Variants in SYNPO observed in about 807,000 individuals in gnomAD.
SYNPO encodes the protein synaptopodin.
SYNPO carries 19 observed loss-of-function variants against 49.5 expected under a neutral mutation model. The ratio of observed to expected loss-of-function variants is 0.38; its 90% CI spans 0.27 to 0.56. The LOEUF is 0.56. SYNPO is among the 20% of genes least tolerant of loss of function. The probability of loss-of-function intolerance (pLI) is 0.68; values close to 1 mark genes in which losing one functional copy is unlikely to be tolerated. For synonymous variants in SYNPO, 536 were observed against 548.0 expected (o/e 0.98, Z 0.31); for missense variants, 1,131 against 1,248.3 (o/e 0.91, Z 1.42).
At chr5:150,641,375 G>A (rs1286815989) in intron 1 of SYNPO, among the ~76,000 whole-genome samples, 1 of 152,172 alleles carries the variant, frequency 6.6e-6, no homozygotes, top group African/African-American at 2.4e-5. Flanking sequence ...AAGACCCCTG[G>A]ACTACCACAA....
rs115665333 is a variant in SYNPO at position 150,605,151 on chromosome 5, C to T, written c.-266+3963C>T. Among the ~76,000 whole-genome samples, 1,103 of 152,322 alleles carry T rather than the reference C, an allele frequency of 7.2e-3. 10 individuals carry two copies. The highest frequency in any genetic ancestry group is 0.011 in the Non-Finnish European group (769 of 68,036). On this transcript the variant is annotated intron_variant, in intron 1 of 2. Transcript: ENST00000394243. ...AGAGGCCTTTGCTCCTCAAATTGCTCCCCTCTGATAGTCCCTGCAGTTCCA... is the reference window on the plus strand; with the variant it reads ...AGAGGCCTTTGCTCCTCAAATTGCTTCCCTCTGATAGTCCCTGCAGTTCCA...
At chr5:150,624,686 C>A in intron 2 of SYNPO, 1 of 293,288 alleles carries the variant, frequency 3.4e-6, no homozygotes. Context: ...CTCACCCGCC[C>A]GCCCGCCCGC....
intron 1 of SYNPO, among the ~76,000 whole-genome samples, chr5:150,602,652 G>A (rs570098581): frequency 1.1e-4 from 16 of 151,960 alleles, no homozygotes; most frequent in Middle Eastern, 3.4e-3. Flanking sequence ...ACAGAGTCTC[G>A]CTCTGTCACC....
chr5:150,592,236 A>G, the SYNPO span, among the ~76,000 whole-genome samples: 3,070 of 152,346 alleles, frequency 0.02, 45 homozygotes, highest in South Asian at 0.061. Context: ...TGAATTTCAG[A>G]TAAACAATGA....
intron 1 of SYNPO, among the ~76,000 whole-genome samples, chr5:150,603,271 C>G (rs1279020770): frequency 6.6e-6 from 1 of 152,240 alleles, no homozygotes; most frequent in Non-Finnish European, 1.5e-5. Context: ...CTTGGCCTTT[C>G]CTGCCATTCA....
chr5:150,609,789 G>GGGC (rs1554107087), intron 1 of SYNPO, among the ~76,000 whole-genome samples: 2 of 150,810 alleles, frequency 1.3e-5, no homozygotes, highest in East Asian at 1.9e-4. Context: ...AATGTGGCGG[G>GGGC]GGGGGGCAGT....
At chr5:150,637,807 A>G (rs1226169070), upstream of SYNPO, among the ~76,000 whole-genome samples, 1 of 152,212 alleles carries the variant, frequency 6.6e-6, no homozygotes, top group East Asian at 1.9e-4. Flanking sequence ...GCTGGGCTGC[A>G]CGGCGTCCTT....
chr5:150,611,108 T>A (rs1480098094), intron 1 of SYNPO, among the ~76,000 whole-genome samples: 1 of 152,194 alleles, frequency 6.6e-6, no homozygotes, highest in African/African-American at 2.4e-5. Context: ...TCATAGCAGT[T>A]TCTTTATCTT....
chr5:150,603,440 GACATACTCCCTC>G (rs1353134851), intron 1 of SYNPO, among the ~76,000 whole-genome samples: 1 of 152,376 alleles, frequency 6.6e-6, no homozygotes, highest in South Asian at 2.1e-4. Flanking sequence ...CATCTTTCAG[GACATACTCCCTC>G]ACCCTCCTCC....
Position 150,656,499 on chromosome 5 carries a change from G to T in SYNPO, c.2124G>T (p.Trp708Cys), listed in dbSNP as rs1388002584. Residue 708 changes from tryptophan (W) to cysteine (C), a missense_variant, in exon 3 of 3, where the codon TGG (tryptophan) becomes TGT (cysteine). Trp to Cys is a radical substitution (Grantham distance 215). Around this residue, in one of 4 missense-constraint regions of SYNPO, gnomAD observed 509 missense variants for 484.5 expected, o/e 1.05. Transcript: ENST00000307662. Reference sequence around the variant, plus strand: ...ACGGCTGGGTGAGCCCGGGCCCGTGGGAGCCAGGTCGCGGGAGCAGCATGA... The same window carrying T: ...ACGGCTGGGTGAGCCCGGGCCCGTGTGAGCCAGGTCGCGGGAGCAGCATGA... ...SLDGWVSPGP[W>C]EPGRGSSMSS... The T allele has an allele frequency of 5.2e-6, 8 of 1,532,272 alleles. No individual in the cohort carries two copies. In the African/African-American group the frequency reaches 1.1e-4, roughly 21 times the overall value. The allele number at this position is 1,532,272 out of a possible 1,614,324, so 94.9% of individuals were successfully genotyped here.
At chr5:150,624,170 G>T (rs1271346900) in intron 2 of SYNPO, among the ~76,000 whole-genome samples, 1 of 152,260 alleles carries the variant, frequency 6.6e-6, no homozygotes, top group Non-Finnish European at 1.5e-5. Context: ...GGGGATGGCA[G>T]CAGGTGGGTG....
chr5:150,609,178 G>T (rs764145060), intron 1 of SYNPO, among the ~76,000 whole-genome samples: 2 of 152,232 alleles, frequency 1.3e-5, no homozygotes, highest in Non-Finnish European at 2.9e-5. Context: ...GCTGGGAAAG[G>T]GTGCATTGGC....
chr5:150,609,789 G>GGGT (rs1554107087), intron 1 of SYNPO, among the ~76,000 whole-genome samples: 25 of 150,810 alleles, frequency 1.7e-4, no homozygotes, highest in Non-Finnish European at 1.2e-4. Context: ...AATGTGGCGG[G>GGGT]GGGGGGCAGT....
At chr5:150,632,996 C>T (rs1331118062) in intron 2 of SYNPO, among the ~76,000 whole-genome samples, 3 of 152,170 alleles carry the variant, frequency 2.0e-5, no homozygotes, top group Non-Finnish European at 4.4e-5. Flanking sequence ...AGAGTCCCTA[C>T]CCCTCGACCT....
At chr5:150,604,750 T>G (rs1182322178) in intron 1 of SYNPO, among the ~76,000 whole-genome samples, 1 of 152,218 alleles carries the variant, frequency 6.6e-6, no homozygotes, top group Non-Finnish European at 1.5e-5. Context: ...ACAGAAGCCC[T>G]GGCACACACT....
At position 150,652,132 on chromosome 5, in the gene SYNPO, G is replaced by A. The variant is rs149958748; in HGVS notation, c.2028+1829G>A. The stretch of plus-strand genomic sequence containing the variant: ...TTTCACACAGATCGAGGGGGTATGC[G>A]TGGGGGAGTTGTGAGTGAGCTCAGC... On this transcript the variant is annotated intron_variant, in intron 2 of 2. Coordinates refer to ENST00000307662, the MANE Select transcript of SYNPO (RefSeq NM_007286.6). The A allele has an allele frequency of 4.3e-4, 430 of 1,002,058 alleles. 2 individuals carry two copies. In the African/African-American group the frequency reaches 6.4e-3, roughly 15 times the overall value. 62.1% of individuals were successfully genotyped at this position (1,002,058 alleles called of 1,614,324 possible). A position where few individuals can be genotyped will look rare whatever the true frequency, so the allele number is the denominator to read the frequency against.
At chr5:150,632,519 T>C (rs1757574989) in intron 2 of SYNPO, among the ~76,000 whole-genome samples, 1 of 152,092 alleles carries the variant, frequency 6.6e-6, no homozygotes, top group Non-Finnish European at 1.5e-5. Flanking sequence ...GCACAGGCTT[T>C]ATTAGGATGG....
chr5:150,624,781 G>T (rs924848777), intron 2 of SYNPO: 299 of 906,580 alleles, frequency 3.3e-4, no homozygotes, highest in Admixed American at 9.4e-4. Flanking sequence ...GGCGTCGGGC[G>T]CGGAGCCTGG....
At chr5:150,604,965 G>A (rs1350522647) in intron 1 of SYNPO, among the ~76,000 whole-genome samples, 1 of 152,152 alleles carries the variant, frequency 6.6e-6, no homozygotes, top group Non-Finnish European at 1.5e-5. Context: ...ATAACTTCAA[G>A]CAGATTACTT....
Sources: gnomAD v4.1 joint callset for allele counts (sites outside exome capture counted in the v4.1 genomes callset) on GRCh38, gnomAD v4.1.1 for gene constraint, gnomAD v4.1.1 regional missense constraint, MANE v1.5 for transcripts, NCBI Gene and HGNC (gene_info 2026-07-23, HGNC 2026-07-21) for gene names.